PLXNC1: variants seen among roughly 807,000 people sequenced by gnomAD.
The protein encoded by PLXNC1 is plexin C1.
A neutral mutation model predicts 178.2 loss-of-function variants in PLXNC1; 75 were observed. That is an observed-to-expected ratio of 0.42 (90% confidence interval 0.35 to 0.51). The LOEUF (loss-of-function observed/expected upper bound fraction) is 0.51, where lower values mean the gene tolerates loss of function less well. PLXNC1 is among the 20% of genes least tolerant of loss of function. The pLI, the probability that PLXNC1 is intolerant of heterozygous loss-of-function variation, is 0.02. For missense variants in PLXNC1, 1,503 were observed against 1,984.4 expected (o/e 0.76, Z 4.61); for synonymous variants, 790 against 779.9 (o/e 1.01, Z -0.22).
At chr12:94,283,468 C>T (rs757211837) in intron 23 of PLXNC1, among the ~76,000 whole-genome samples, 3 of 152,170 alleles carry the variant, frequency 2.0e-5, no homozygotes, top group Non-Finnish European at 2.9e-5. Flanking sequence ...ATGTAACTGC[C>T]CAACAGGTTC....
Position 94,298,753 on chromosome 12 carries a change from A to G in PLXNC1, c.4196A>G (p.Lys1399Arg). ...TTGGACGCCCAGGCTGAAAACAAAA[A>G]AATCACAGATCCTGACGTCGTACAT... ...DFLDAQAENKKITDPDVVHIW... is the reference protein window; with the variant it reads ...DFLDAQAENKRITDPDVVHIW... Residue 1399 changes from lysine (K) to arginine (R), a missense_variant, in exon 27 of 31, where the codon AAA becomes AGA. Physicochemically the swap from Lys to Arg is conservative, Grantham distance 26. This residue lies in a region of PLXNC1 where 639 missense variants were observed against 979.7 expected (regional missense o/e 0.65). Transcript: ENST00000258526. The G allele has an allele frequency of 6.2e-7, 1 of 1,613,168 alleles. No individual in the cohort carries two copies. Among genetic ancestry groups the G allele is most frequent in the Non-Finnish European group, 8.5e-7 (1 of 1,179,772 alleles).
intron 2 of PLXNC1, among the ~76,000 whole-genome samples, chr12:94,177,161 GTATATATATATATACGTATATATATGTA>G (rs1962097178): frequency 1.1e-5 from 1 of 91,298 alleles, no homozygotes; most frequent in African/African-American, 5.8e-5. Context: ...ATATATATAT[GTATATATATATATACGTATATATATGTA>G]TATATATATA....
At chr12:94,187,845 G>A (rs772429642) in intron 4 of PLXNC1, among the ~76,000 whole-genome samples, 1 of 152,134 alleles carries the variant, frequency 6.6e-6, no homozygotes, top group Non-Finnish European at 1.5e-5. Context: ...GGAGTTGGTA[G>A]TATTTTAGAT....
intron 12 of PLXNC1, among the ~76,000 whole-genome samples, chr12:94,246,661 T>C (rs979418741): frequency 2.0e-5 from 3 of 152,228 alleles, no homozygotes; most frequent in Non-Finnish European, 2.9e-5. Context: ...GCAATCCTTC[T>C]AGAAGGCATC....
At chr12:94,289,277 A>C (rs1005730213) in intron 23 of PLXNC1, among the ~76,000 whole-genome samples, 2 of 152,182 alleles carry the variant, frequency 1.3e-5, no homozygotes, top group African/African-American at 4.8e-5. Flanking sequence ...TCTCATTCTA[A>C]TGATGGGAAA....
intron 9 of PLXNC1, among the ~76,000 whole-genome samples, chr12:94,234,545 G>A (rs1964190549): frequency 6.6e-6 from 1 of 152,160 alleles, no homozygotes; most frequent in Non-Finnish European, 1.5e-5. Flanking sequence ...TAACCCTGAA[G>A]TCTTTAAAAC....
At chr12:94,231,754 C>A (rs957853956) in intron 9 of PLXNC1, among the ~76,000 whole-genome samples, 7 of 152,202 alleles carry the variant, frequency 4.6e-5, no homozygotes, top group Admixed American at 2.6e-4. Context: ...AGTGTCTGAC[C>A]GTCTGTCTGT....
Position 94,297,440 on chromosome 12 carries a change from G to C in PLXNC1, c.4074+17G>C. The C allele has an allele frequency of 6.4e-7, 1 of 1,573,526 alleles. No individual in the cohort carries two copies. The highest frequency in any genetic ancestry group is 1.7e-4 in the Middle Eastern group (1 of 5,990). ...TCGACCAAGGTACACTTACTGTTCT[G>C]GGAGCACTTTATGGCTACCTAGGGG... On this transcript the variant is annotated intron_variant, in intron 26 of 30. Coordinates refer to ENST00000258526, the MANE Select transcript of PLXNC1 (RefSeq NM_005761.3).
chr12:94,244,696 C>G (rs1377228193), intron 12 of PLXNC1, among the ~76,000 whole-genome samples: 1 of 152,172 alleles, frequency 6.6e-6, no homozygotes, highest in Non-Finnish European at 1.5e-5. Context: ...ATAAGATACA[C>G]CAACACTAAC....
chr12:94,282,385 C>A lies in PLXNC1; in HGVS notation c.3863C>A (p.Thr1288Asn). 2 of 1,610,604 alleles carry A rather than the reference C, an allele frequency of 1.2e-6. No homozygotes were observed. Among genetic ancestry groups the A allele is most frequent in the Non-Finnish European group, 1.7e-6 (2 of 1,176,748 alleles). Residue 1288 changes from threonine to asparagine, a missense_variant, in exon 23 of 31, where the codon ACC becomes AAC. Physicochemically the swap from Thr to Asn is moderately conservative, Grantham distance 65. Transcript: ENST00000258526. ...GAAGATGGAATCACCAAGCTAAACACCATTGGCCACTATGAGGTAAGAGCA... is the reference window on the plus strand; with the variant it reads ...GAAGATGGAATCACCAAGCTAAACAACATTGGCCACTATGAGGTAAGAGCA... ...ILEDGITKLNTIGHYEISNGS... is the reference protein window; with the variant it reads ...ILEDGITKLNNIGHYEISNGS...
chr12:94,204,410 C>T (rs11107438), intron 4 of PLXNC1, among the ~76,000 whole-genome samples: 2 of 152,276 alleles, frequency 1.3e-5, no homozygotes, highest in Middle Eastern at 3.4e-3. Context: ...GAAAAGACAT[C>T]GCCTGGCATG....
At chr12:94,262,570 G>T (rs927798696) in intron 20 of PLXNC1, 21 of 985,468 alleles carry the variant, frequency 2.1e-5, no homozygotes, top group Non-Finnish European at 2.5e-5. Flanking sequence ...TGAGGGGGCG[G>T]CTCGGCTCGC....
At chr12:94,150,139 C>T in intron 1 of PLXNC1, 106 bp downstream of exon 1, 2 of 953,700 alleles carry the variant, frequency 2.1e-6, no homozygotes, top group Non-Finnish European at 3.0e-6. Flanking sequence ...GGGGTACAGC[C>T]GGGTGACATT....
intron 4 of PLXNC1, among the ~76,000 whole-genome samples, chr12:94,193,145 G>A (rs1467848058): frequency 2.0e-5 from 3 of 152,196 alleles, no homozygotes; most frequent in African/African-American, 7.2e-5. Flanking sequence ...CTGAAGCTCA[G>A]TGTGGACGAG....
At chr12:94,209,757 C>A in intron 5 of PLXNC1, 53 bp downstream of exon 5, 2 of 1,075,804 alleles carry the variant, frequency 1.9e-6, no homozygotes, top group Non-Finnish European at 2.9e-6. Flanking sequence ...TTTTGCACAG[C>A]GGATGCTAAA....
chr12:94,246,972 G>A (rs370959059), intron 12 of PLXNC1, among the ~76,000 whole-genome samples: 3 of 152,090 alleles, frequency 2.0e-5, no homozygotes, highest in East Asian at 3.9e-4. Context: ...TCTGTAGAAT[G>A]TTTGCCATCC....
chr12:94,249,604 T>C (rs1333250114), intron 14 of PLXNC1, among the ~76,000 whole-genome samples: 1 of 151,978 alleles, frequency 6.6e-6, no homozygotes, highest in Non-Finnish European at 1.5e-5. Context: ...TGCCAGCACT[T>C]TGGGAAGCCA....
chr12:94,300,921 G>C lies in PLXNC1; in HGVS notation c.4250G>C (p.Arg1417Pro). 1 of 1,611,984 alleles carries C rather than the reference G, an allele frequency of 6.2e-7. No homozygotes were observed. The highest frequency in any genetic ancestry group is 8.5e-7 in the Non-Finnish European group (1 of 1,178,504). ...CTCTCTTTGAACAGCCTTCCTCTTC[G>C]CTTCTGGGTAAACATCCTGAAGAAC... ...HIWKTNSLPL[R>P]FWVNILKNPQ... The change falls in exon 28 of 31, where the codon CGC becomes CCC. Residue 1417 changes from arginine (R) to proline (P), a missense_variant. Around this residue, in one of 4 missense-constraint regions of PLXNC1, gnomAD observed 639 missense variants for 979.7 expected, o/e 0.65. Coordinates refer to ENST00000258526, the MANE Select transcript of PLXNC1 (RefSeq NM_005761.3).
intron 1 of PLXNC1, among the ~76,000 whole-genome samples, chr12:94,167,152 C>A (rs1961646638): frequency 6.6e-6 from 1 of 152,180 alleles, no homozygotes; most frequent in Non-Finnish European, 1.5e-5. Context: ...TCCGTTTTAG[C>A]TTTTGAGCTG....
Sources: allele counts gnomAD v4.1 joint callset (sites outside exome capture counted in the v4.1 genomes callset), GRCh38; gene constraint gnomAD v4.1.1; regional missense constraint gnomAD v4.1.1; transcripts MANE v1.5; gene names NCBI Gene and HGNC (gene_info 2026-07-23, HGNC 2026-07-21).